Variants in PTPRN2 observed in about 807,000 individuals in gnomAD.
The protein encoded by PTPRN2 is receptor-type tyrosine-protein phosphatase N2.
PTPRN2 carries 74 observed loss-of-function variants against 118.8 expected under a neutral mutation model. That is an observed-to-expected ratio of 0.62 (90% CI 0.52 to 0.76). The LOEUF (loss-of-function observed/expected upper bound fraction) is 0.76. PTPRN2 is among the 30% of genes least tolerant of loss of function. The pLI, the probability that PTPRN2 is intolerant of heterozygous loss-of-function variation, is 0.00. For synonymous variants in PTPRN2, 641 were observed against 608.0 expected (o/e 1.05, Z -0.80); for missense variants, 1,481 against 1,394.4 (o/e 1.06, Z -0.99).
At chr7:157,997,263 G>C (rs762221324) in intron 11 of PTPRN2, among the ~76,000 whole-genome samples, 1 of 152,228 alleles carries the variant, frequency 6.6e-6, no homozygotes, top group Non-Finnish European at 1.5e-5. Flanking sequence ...CCCTGGGCCC[G>C]CCTGGCCTGG....
At position 158,386,408 on chromosome 7, in the gene PTPRN2, A is replaced by AGAGTCCCTCCTCCCATGCCCC. The variant is rs1304470748; in HGVS notation, c.164-69497_164-69477dup. 1.6e-3 allele frequency among the ~76,000 whole-genome samples: 123 copies of AGAGTCCCTCCTCCCATGCCCC among 78,176 alleles called. 1 individual carries two copies. The highest frequency in any genetic ancestry group is 7.1e-3 in the Admixed American group (59 of 8,362). The allele number at this position is 78,176 out of a possible 152,430, so 51.3% of individuals were successfully genotyped here. A position where few individuals can be genotyped will look rare whatever the true frequency, so the allele number is the denominator to read the frequency against. ...GCCCCAAGTCCCTCCTCCCATGCCCAGAGTCCCTCCTCCCATGCCCCGAGT... is the reference window on the plus strand; with the variant it reads ...GCCCCAAGTCCCTCCTCCCATGCCCAGAGTCCCTCCTCCCATGCCCCGAGTCCCTCCTCCCATGCCCCGAGT... On this transcript the variant is annotated intron_variant, in intron 2 of 22. Transcript: ENST00000389418.
rs531515637 is a variant in PTPRN2, at chr7:157,934,731, C to T, written c.1724-35994G>A. Among the ~76,000 whole-genome samples, 28 of 152,332 alleles carry T rather than the reference C, an allele frequency of 1.8e-4. No homozygotes were observed. In the East Asian group the frequency reaches 5.0e-3, roughly 27 times the overall value. On this transcript the variant is annotated intron_variant, in intron 11 of 22. Transcript: ENST00000389418. ...CTGTCTCACTTCCTCCAGAAGCTCT[C>T]AGTCTGCTGCCATTTCTTGGGTTCT...
intron 2 of PTPRN2, among the ~76,000 whole-genome samples, chr7:158,333,723 A>G (rs1479292557): frequency 1.3e-5 from 2 of 149,204 alleles, no homozygotes; most frequent in Non-Finnish European, 3.0e-5. Context: ...AGGCCCACAG[A>G]GGTCACTCAC....
At chr7:157,789,582 C>T (rs1412933996) in intron 12 of PTPRN2, among the ~76,000 whole-genome samples, 2 of 152,206 alleles carry the variant, frequency 1.3e-5, no homozygotes, top group African/African-American at 2.4e-5. Context: ...CAGGTGGCTC[C>T]GTGGTCCCCT....
intron 11 of PTPRN2, among the ~76,000 whole-genome samples, chr7:157,925,229 A>G (rs1223929251): frequency 2.0e-5 from 3 of 147,930 alleles, no homozygotes; most frequent in African/African-American, 7.5e-5. Flanking sequence ...AGTTATTGAA[A>G]TGTAGTCAGG....
At chr7:158,342,552 C>G (rs1807107234) in intron 2 of PTPRN2, among the ~76,000 whole-genome samples, 1 of 148,720 alleles carries the variant, frequency 6.7e-6, no homozygotes, top group Non-Finnish European at 1.5e-5. Context: ...CACCCACACT[C>G]TCACCATAAG....
In PTPRN2 at chr7:158,490,260, CCG is replaced by C. The variant is rs1821348837; in HGVS notation, c.113-477_113-476del. ...GGAGCCCGGCTGCGTGGGAAGCAAACCGTGGCGTCCGTGGCCACAGACAAGAG... is the reference window on the plus strand; with the variant it reads ...GGAGCCCGGCTGCGTGGGAAGCAAACTGGCGTCCGTGGCCACAGACAAGAG... On this transcript the variant is annotated intron_variant, in intron 1 of 22. Transcript: ENST00000389418. 2.6e-5 allele frequency among the ~76,000 whole-genome samples: 4 copies of C among 152,334 alleles called. No homozygotes were observed. The South Asian group carries it at 8.3e-4, about 32-fold the overall frequency.
At position 158,342,211 on chromosome 7, in the gene PTPRN2, A is replaced by T. The variant is rs71200505; in HGVS notation, c.164-25279T>A. 7.4e-4 allele frequency among the ~76,000 whole-genome samples: 84 copies of T among 113,942 alleles called. 2 individuals carry two copies. The highest frequency in any genetic ancestry group is 2.6e-3 in the African/African-American group (71 of 27,604). 74.8% of individuals were successfully genotyped at this position (113,942 alleles called of 152,430 possible). On this transcript the variant is annotated intron_variant, in intron 2 of 22. Transcript: ENST00000389418. ...CCACAGACGTCACTCACACCCACAC[A>T]CGTCACTCACACTCACACTCTCACC...
intron 11 of PTPRN2, among the ~76,000 whole-genome samples, chr7:157,928,999 A>C (rs987798210): frequency 6.6e-6 from 1 of 152,120 alleles, no homozygotes; most frequent in African/African-American, 2.4e-5. Flanking sequence ...ACGTCAGGGC[A>C]GGAGGGGACA....
chr7:158,247,223 G>T (rs150170858), intron 3 of PTPRN2, among the ~76,000 whole-genome samples: 9 of 152,186 alleles, frequency 5.9e-5, no homozygotes. Flanking sequence ...GCACCGAGGC[G>T]CACGCTGGGC....
chr7:157,670,073 G>A (rs538521211), intron 13 of PTPRN2, among the ~76,000 whole-genome samples: 3 of 152,340 alleles, frequency 2.0e-5, no homozygotes, highest in South Asian at 2.1e-4. Flanking sequence ...CACCAAGGCA[G>A]CCCTGGGGGA....
At chr7:158,484,508 A>G (rs1251423102) in intron 2 of PTPRN2, among the ~76,000 whole-genome samples, 1 of 152,136 alleles carries the variant, frequency 6.6e-6, no homozygotes, top group Non-Finnish European at 1.5e-5. Flanking sequence ...GATCACAGGC[A>G]CGCGCCACCA....
At position 157,893,391 on chromosome 7, in the gene PTPRN2, G is replaced by A. The variant is rs1008667509; in HGVS notation, c.1788+5282C>T. Among the ~76,000 whole-genome samples, 2 of 152,214 alleles carry A rather than the reference G, an allele frequency of 1.3e-5. No homozygotes were observed. The highest frequency in any genetic ancestry group is 2.9e-5 in the Non-Finnish European group (2 of 68,042). On this transcript the variant is annotated intron_variant, in intron 12 of 22. Coordinates refer to ENST00000389418, the MANE Select transcript of PTPRN2 (RefSeq NM_002847.5). This position sits in a 1 kb window ranked among gnomAD's most constrained non-coding sequence, Gnocchi z 4.0. ...GCCCCCACGGTCCCCCGCAGTCTAG[G>A]GAGAACCTTCCTTCCCACATATGAG...
intron 2 of PTPRN2, among the ~76,000 whole-genome samples, chr7:158,470,978 C>T (rs1017814836): frequency 1.3e-5 from 2 of 152,086 alleles, no homozygotes; most frequent in Admixed American, 6.5e-5. Flanking sequence ...GGATTACGTG[C>T]GTGCACCACC....
At chr7:158,081,241 CGTGT>C (rs750370459) in intron 11 of PTPRN2, 53 bp downstream of exon 11, 89 of 1,483,126 alleles carry the variant, frequency 6.0e-5, no homozygotes, top group East Asian at 6.8e-5. Context: ...TGTTTGCGTG[CGTGT>C]GTGTGTGCAC....
At chr7:158,519,856 G>C (rs1464921337) in intron 1 of PTPRN2, among the ~76,000 whole-genome samples, 1 of 152,098 alleles carries the variant, frequency 6.6e-6, no homozygotes, top group Non-Finnish European at 1.5e-5. Flanking sequence ...TCCCCACAAC[G>C]CCAGCACGGT....
intron 17 of PTPRN2, among the ~76,000 whole-genome samples, chr7:157,586,942 A>G (rs570846209): frequency 2.6e-5 from 4 of 152,334 alleles, no homozygotes; most frequent in Non-Finnish European, 4.4e-5. Flanking sequence ...CACCGGGGCC[A>G]GGCCAGGGTC....
In PTPRN2 at chr7:157,722,454, G is replaced by A. The variant is rs577593713; in HGVS notation, c.1789-39517C>T. ...GAACCTGGGACCCAGCGCCCATGTC[G>A]GTGCAGTTGGGAAAGGTGCGTGGCT... On this transcript the variant is annotated intron_variant, in intron 12 of 22. Coordinates refer to ENST00000389418, the MANE Select transcript of PTPRN2 (RefSeq NM_002847.5). 5.9e-5 allele frequency among the ~76,000 whole-genome samples: 9 copies of A among 152,210 alleles called. No homozygotes were observed. In the East Asian group the frequency reaches 1.2e-3, roughly 20 times the overall value.
chr7:158,549,843 T>A (rs1206497716), intron 1 of PTPRN2, among the ~76,000 whole-genome samples: 1 of 152,206 alleles, frequency 6.6e-6, no homozygotes, highest in Non-Finnish European at 1.5e-5. Context: ...TCTTTCTTCC[T>A]CCCAAGAGCC....
Sources: allele counts gnomAD v4.1 joint callset (sites outside exome capture counted in the v4.1 genomes callset), GRCh38; gene constraint gnomAD v4.1.1; non-coding constraint Gnocchi (gnomAD v3.1); transcripts MANE v1.5; gene names NCBI Gene and HGNC (gene_info 2026-07-23, HGNC 2026-07-21).